The following LAMB4 variants were observed in gnomAD, a reference collection of about 807,000 sequenced individuals.
LAMB4 encodes laminin subunit beta-4.
Under a neutral mutation model 199.2 loss-of-function variants are expected in LAMB4, and 196 were observed. The observed-to-expected ratio is 0.98, with a 90% CI of 0.88 to 1.11. LAMB4 has a LOEUF of 1.11. Ranked by LOEUF, LAMB4 falls within the 50% of genes least tolerant of loss-of-function variation. LAMB4 has a pLI of 0.00. For missense variants in LAMB4, 2,080 were observed against 2,171.2 expected, an observed-to-expected ratio of 0.96 and a Z score of 0.83; for synonymous variants, 744 against 770.6, an observed-to-expected ratio of 0.97 and a Z score of 0.57.
intron 3 of LAMB4, among the ~76,000 whole-genome samples, chr7:108,112,580 A>G (rs549374099): frequency 1.3e-4 from 20 of 152,320 alleles, no homozygotes; most frequent in African/African-American, 4.3e-4. Flanking sequence ...GGTGTGAGCC[A>G]CTGACCCCAG....
At chr7:108,025,303 G>T (rs998430936) in intron 33 of LAMB4, among the ~76,000 whole-genome samples, 1 of 152,142 alleles carries the variant, frequency 6.6e-6, no homozygotes, top group Admixed American at 6.5e-5. Context: ...CTCTCTAGGA[G>T]TCATGGCTGC....
At chr7:108,061,964 T>C (rs778377902) in intron 23 of LAMB4, among the ~76,000 whole-genome samples, 5 of 152,166 alleles carry the variant, frequency 3.3e-5, no homozygotes, top group Non-Finnish European at 5.9e-5. Context: ...TCATTCCAAT[T>C]AAATCCTGAT....
chr7:108,119,174 C>G (rs1475306766), intron 2 of LAMB4, among the ~76,000 whole-genome samples: 1 of 152,162 alleles, frequency 6.6e-6, no homozygotes, highest in African/African-American at 2.4e-5. Context: ...CCCGCATACC[C>G]TGCTGGTGGG....
chr7:108,092,432 G>C lies in LAMB4; in HGVS notation c.1471-16C>G. On this transcript the variant is annotated splice_polypyrimidine_tract_variant and intron_variant, in intron 12 of 33. Coordinates refer to ENST00000388781, the MANE Select transcript of LAMB4 (RefSeq NM_007356.3). Reference sequence around the variant, plus strand: ...AGTATCCAACCTACAGAGAAAAAATGCTCAGCTGATTCCAGCTATGAAGAT... The same window carrying C: ...AGTATCCAACCTACAGAGAAAAAATCCTCAGCTGATTCCAGCTATGAAGAT... The C allele has an allele frequency of 6.3e-7, 1 of 1,599,186 alleles. No homozygotes were observed. The highest frequency in any genetic ancestry group is 8.6e-7 in the Non-Finnish European group (1 of 1,166,480).
At chr7:108,039,489 G>A in intron 29 of LAMB4, among the ~76,000 whole-genome samples, 1 of 135,904 alleles carries the variant, frequency 7.4e-6, no homozygotes, top group East Asian at 2.2e-4. Flanking sequence ...TTTTTTTTGA[G>A]ATGGTGTCTC....
At chr7:108,111,983 T>C (rs781508433) in intron 3 of LAMB4, 37 bp from the exon 4 acceptor site, 1 of 1,540,120 alleles carries the variant, frequency 6.5e-7, no homozygotes, top group East Asian at 2.3e-5. Context: ...AAATAAAAAT[T>C]GGAATTACAT....
intron 15 of LAMB4, 78 bp from the exon 16 acceptor site, chr7:108,078,394 G>GGAAA: frequency 1.1e-6 from 1 of 909,040 alleles, no homozygotes; most frequent in East Asian, 2.6e-5. Flanking sequence ...TATAGCTAAT[G>GGAAA]GAAAGTGCAT....
intron 10 of LAMB4, among the ~76,000 whole-genome samples, chr7:108,099,555 G>A (rs1407685559): frequency 6.6e-6 from 1 of 152,158 alleles, no homozygotes; most frequent in African/African-American, 2.4e-5. Context: ...TGGTATGGAT[G>A]ACAAATGTGT....
intron 23 of LAMB4, among the ~76,000 whole-genome samples, chr7:108,058,530 GA>G (rs1232511219): frequency 1.3e-5 from 2 of 152,208 alleles, no homozygotes; most frequent in Admixed American, 6.5e-5. Context: ...ATTAACAGGA[GA>G]AAATATAAAA....
At chr7:108,129,977 C>G (rs533751675) in intron 1 of LAMB4, among the ~76,000 whole-genome samples, 1 of 152,248 alleles carries the variant, frequency 6.6e-6, no homozygotes, top group Non-Finnish European at 1.5e-5. Flanking sequence ...ATAACCATAA[C>G]AAAAACAAAC....
chr7:108,085,810 T>C (rs1175969263), intron 14 of LAMB4, among the ~76,000 whole-genome samples: 2 of 152,142 alleles, frequency 1.3e-5, no homozygotes, highest in Non-Finnish European at 2.9e-5. Flanking sequence ...AGACGGGGTT[T>C]CACCTTGTTA....
intron 32 of LAMB4, among the ~76,000 whole-genome samples, chr7:108,030,119 A>AC (rs1034816327): frequency 4.8e-5 from 6 of 125,346 alleles, no homozygotes; most frequent in Admixed American, 2.3e-4. Context: ...TCTGTCTCAC[A>AC]AAAAAAAAAA....
At position 108,037,284 on chromosome 7, in the gene LAMB4, G is replaced by A; in HGVS notation, c.4679+104C>T. The stretch of plus-strand genomic sequence containing the variant: ...AACTTGGGCACTGAACTATCAGAAG[G>A]TAATTTCATTTGAATGCTATAGATC... On this transcript the variant is annotated intron_variant, in intron 30 of 33. Coordinates refer to ENST00000388781, the MANE Select transcript of LAMB4 (RefSeq NM_007356.3). 8.0e-6 allele frequency: 7 copies of A among 875,004 alleles called. No individual in the cohort carries two copies. The South Asian group carries it at 9.9e-5, about 12-fold the overall frequency. 54.2% of individuals were successfully genotyped at this position (875,004 alleles called of 1,614,324 possible).
intron 1 of LAMB4, among the ~76,000 whole-genome samples, chr7:108,128,956 G>A (rs1373473970): frequency 1.3e-5 from 2 of 152,176 alleles, no homozygotes; most frequent in Non-Finnish European, 2.9e-5. Context: ...GTGCATTTTG[G>A]TAGCCGTTTA....
intron 4 of LAMB4, among the ~76,000 whole-genome samples, chr7:108,111,232 C>T (rs543293747): frequency 7.9e-5 from 12 of 152,260 alleles, no homozygotes; most frequent in African/African-American, 1.9e-4. Flanking sequence ...ACATTTATAG[C>T]GAGCATCTAG....
At chr7:108,041,499 T>G (rs2035421028) in intron 29 of LAMB4, among the ~76,000 whole-genome samples, 1 of 152,204 alleles carries the variant, frequency 6.6e-6, no homozygotes, top group African/African-American at 2.4e-5. Context: ...TCAACCTATA[T>G]GCCCATCAAT....
intron 33 of LAMB4, chr7:108,026,637 C>T (rs1005176459): frequency 4.6e-6 from 1 of 217,938 alleles, no homozygotes; most frequent in Non-Finnish European, 9.4e-6. Flanking sequence ...CTTCTAAATA[C>T]TTTATCCAAA....
intron 31 of LAMB4, among the ~76,000 whole-genome samples, chr7:108,032,353 G>T (rs1036746141): frequency 6.6e-6 from 1 of 151,920 alleles, no homozygotes; most frequent in Non-Finnish European, 1.5e-5. Context: ...TTGTGCCATT[G>T]CACTCCAGCC....
chr7:108,055,125 T>G (rs2035937467), intron 25 of LAMB4, among the ~76,000 whole-genome samples: 1 of 152,142 alleles, frequency 6.6e-6, no homozygotes, highest in African/African-American at 2.4e-5. Flanking sequence ...CAATGGCATC[T>G]GGAAAAATCA....
Sources: gnomAD v4.1 joint callset for allele counts (sites outside exome capture counted in the v4.1 genomes callset) on GRCh38, gnomAD v4.1.1 for gene constraint, MANE v1.5 for transcripts, NCBI Gene and HGNC (gene_info 2026-07-23, HGNC 2026-07-21) for gene names.